ACACA: variants seen among roughly 807,000 people sequenced by gnomAD.
ACACA encodes the protein acetyl-CoA carboxylase 1.
Under a neutral mutation model 296.1 loss-of-function variants are expected in ACACA, and 103 were observed. The observed-to-expected ratio is 0.35, with a 90% CI of 0.30 to 0.41. The LOEUF is 0.41. ACACA is among the 10% of genes least tolerant of loss of function. The pLI, the probability that ACACA is intolerant of heterozygous loss-of-function variation, is 1.00. For missense variants in ACACA, 1,554 were observed against 2,989.7 expected (o/e 0.52, Z 11.20); for synonymous variants, 953 against 1,038.6 (o/e 0.92, Z 1.58).
chr17:37,169,673 A>C (rs534821860), intron 41 of ACACA, among the ~76,000 whole-genome samples: 1 of 152,314 alleles, frequency 6.6e-6, no homozygotes, highest in South Asian at 2.1e-4. Context: ...CAGTGTGACA[A>C]TGTGATTAGC....
chr17:37,273,861 C>G (rs1026240252), intron 9 of ACACA, among the ~76,000 whole-genome samples: 2 of 152,198 alleles, frequency 1.3e-5, no homozygotes, highest in Non-Finnish European at 2.9e-5. Flanking sequence ...CCCTCACACA[C>G]TAACAGGTGG....
intron 3 of ACACA, among the ~76,000 whole-genome samples, chr17:37,301,775 GT>G (rs2083630375): frequency 6.6e-6 from 1 of 152,150 alleles, no homozygotes. Context: ...TTTCAAAAGT[GT>G]TTTGGCTATT....
At chr17:37,120,819 T>C (rs1597878716) in intron 50 of ACACA, among the ~76,000 whole-genome samples, 1 of 152,188 alleles carries the variant, frequency 6.6e-6, no homozygotes, top group Admixed American at 6.5e-5. Flanking sequence ...GCAATTCCCA[T>C]AGCATGGAGT....
chr17:37,267,878 AG>A (rs2081863983), intron 10 of ACACA, among the ~76,000 whole-genome samples: 1 of 151,774 alleles, frequency 6.6e-6, no homozygotes, highest in Non-Finnish European at 1.5e-5. Context: ...CTCCCACCTC[AG>A]CCACCCAAGT....
intron 1 of ACACA, among the ~76,000 whole-genome samples, chr17:37,377,280 C>T (rs2050041405): frequency 6.6e-6 from 1 of 152,078 alleles, no homozygotes; most frequent in Non-Finnish European, 1.5e-5. Flanking sequence ...TCTATTTGAC[C>T]TTTCTTTGTC....
intron 1 of ACACA, among the ~76,000 whole-genome samples, chr17:37,393,905 G>A (rs979292963): frequency 1.3e-5 from 2 of 152,018 alleles, no homozygotes; most frequent in Non-Finnish European, 2.9e-5. Context: ...TTTTGCTTTG[G>A]GGACAATTTG....
At chr17:37,201,284 G>A (rs2145269392) in intron 33 of ACACA, among the ~76,000 whole-genome samples, 1 of 152,032 alleles carries the variant, frequency 6.6e-6, no homozygotes, top group Non-Finnish European at 1.5e-5. Context: ...ACTAAAAATA[G>A]AAAAAAATGA....
At chr17:37,146,528 C>T (rs1370423129) in intron 45 of ACACA, among the ~76,000 whole-genome samples, 3 of 151,984 alleles carry the variant, frequency 2.0e-5, no homozygotes, top group Admixed American at 6.6e-5. Flanking sequence ...AAATTTTAGA[C>T]AAATCATCCC....
chr17:37,156,024 T>G (rs1056312959), intron 42 of ACACA, among the ~76,000 whole-genome samples: 31 of 151,698 alleles, frequency 2.0e-4, no homozygotes, highest in African/African-American at 7.5e-4. Context: ...CCAAGTATAT[T>G]CCCTTCATTT....
In ACACA at chr17:37,130,282, C is replaced by T. The variant is rs1192398314; in HGVS notation, c.5680-64G>A. ...AGAAATAAAGGCATGGTCGATTTCA[C>T]AAGTCGCACTAAAATGGGTTCTTTT... On this transcript the variant is annotated intron_variant, in intron 45 of 55. Transcript: ENST00000616317. 3.8e-6 allele frequency: 6 copies of T among 1,595,772 alleles called. No individual in the cohort carries two copies. The Admixed American group carries it at 1.0e-4, about 27-fold the overall frequency.
intron 11 of ACACA, 93 bp downstream of exon 11, chr17:37,263,592 G>C: frequency 9.1e-7 from 1 of 1,093,404 alleles, no homozygotes; most frequent in Non-Finnish European, 1.4e-6. Flanking sequence ...CAGAATCGTT[G>C]CTTAAAATGC....
chr17:37,299,913 T>C, intron 3 of ACACA: 4 of 554,354 alleles, frequency 7.2e-6, no homozygotes, highest in Non-Finnish European at 9.2e-6. Context: ...TCAAAACAAA[T>C]AATACCAATT....
intron 1 of ACACA, among the ~76,000 whole-genome samples, chr17:37,370,397 A>G (rs1160574918): frequency 6.6e-6 from 1 of 150,834 alleles, no homozygotes; most frequent in Non-Finnish European, 1.5e-5. Flanking sequence ...CTGTAATCCT[A>G]GCACTTTGGG....
intron 1 of ACACA, among the ~76,000 whole-genome samples, chr17:37,368,101 A>G (rs2147658234): frequency 6.6e-6 from 1 of 151,648 alleles, no homozygotes; most frequent in East Asian, 1.9e-4. Flanking sequence ...TTGTGTCATT[A>G]CTAAATTCAC....
At chr17:37,099,587 G>A (rs1214095857) in intron 52 of ACACA, among the ~76,000 whole-genome samples, 1 of 147,536 alleles carries the variant, frequency 6.8e-6, no homozygotes, top group East Asian at 2.1e-4. Flanking sequence ...GAGGGCTGAT[G>A]GCAGGAGGGC....
At chr17:37,339,349 T>C (rs1218593526) in intron 2 of ACACA, among the ~76,000 whole-genome samples, 1 of 152,198 alleles carries the variant, frequency 6.6e-6, no homozygotes, top group African/African-American at 2.4e-5. Context: ...CCTGGGCTAA[T>C]AAGTGAGAGT....
intron 11 of ACACA, among the ~76,000 whole-genome samples, chr17:37,261,362 T>C (rs1490804307): frequency 6.6e-6 from 1 of 152,228 alleles, no homozygotes; most frequent in African/African-American, 2.4e-5. Context: ...GAAAAGTTTC[T>C]ATATCTAGAA....
chr17:37,313,850 T>C (rs1041442178), intron 3 of ACACA, among the ~76,000 whole-genome samples: 7 of 152,034 alleles, frequency 4.6e-5, no homozygotes, highest in Admixed American at 1.3e-4. Flanking sequence ...ATCCCATAGC[T>C]AGGTAAATGC....
intron 1 of ACACA, among the ~76,000 whole-genome samples, chr17:37,354,697 G>A (rs991990575): frequency 2.6e-5 from 4 of 152,098 alleles, no homozygotes; most frequent in African/African-American, 7.2e-5. Flanking sequence ...GGCTGAAGTC[G>A]GAGGATCACT....
Sources: allele counts gnomAD v4.1 joint callset (sites outside exome capture counted in the v4.1 genomes callset), GRCh38; gene constraint gnomAD v4.1.1; transcripts MANE v1.5; gene names NCBI Gene and HGNC (gene_info 2026-07-23, HGNC 2026-07-21).